F13B: variants seen among roughly 807,000 people sequenced by gnomAD.
The protein encoded by F13B is coagulation factor XIII B chain, also known as TGase.
Under a neutral mutation model 79.8 loss-of-function variants are expected in F13B, and 58 were observed. That is an observed-to-expected ratio of 0.73 (90% CI 0.59 to 0.90). F13B has a LOEUF of 0.90. Ranked by LOEUF, F13B falls within the 40% of genes least tolerant of loss-of-function variation. The pLI is 0.00. For missense variants in F13B, 773 were observed against 777.0 expected (o/e 0.99, Z 0.06); for synonymous variants, 283 against 260.3 (o/e 1.09, Z -0.84).
chr1:197,066,859 G>C (rs994644108), intron 1 of F13B, among the ~76,000 whole-genome samples: 2 of 152,040 alleles, frequency 1.3e-5, no homozygotes, highest in Non-Finnish European at 2.9e-5. Context: ...ATGTGACTTC[G>C]AAATGGACAT....
chr1:197,059,647 A>T (rs928452429), intron 5 of F13B, among the ~76,000 whole-genome samples: 1 of 152,214 alleles, frequency 6.6e-6, no homozygotes, highest in African/African-American at 2.4e-5. Flanking sequence ...TACCAATCAG[A>T]ATCTCTAATG....
chr1:197,041,868 T>C (rs1381105278), intron 10 of F13B, among the ~76,000 whole-genome samples: 7 of 152,184 alleles, frequency 4.6e-5, no homozygotes, highest in Admixed American at 2.0e-4. Context: ...AGAAGACTCA[T>C]TGTTACCATG....
intron 10 of F13B, among the ~76,000 whole-genome samples, chr1:197,041,104 C>T (rs1655022089): frequency 6.6e-6 from 1 of 152,046 alleles, no homozygotes; most frequent in African/African-American, 2.4e-5. Flanking sequence ...GCTCTTTTCC[C>T]TTTTCCTTCT....
chr1:197,044,912 GATAA>G (rs17514767), intron 10 of F13B, among the ~76,000 whole-genome samples: 2,299 of 152,152 alleles, frequency 0.015, 53 homozygotes, highest in African/African-American at 0.049. Context: ...ATGACTACTA[GATAA>G]ATAACGAAAT....
chr1:197,061,464 A>G (rs1655859745), intron 3 of F13B, among the ~76,000 whole-genome samples: 1 of 152,140 alleles, frequency 6.6e-6, no homozygotes, highest in Non-Finnish European at 1.5e-5. Context: ...AATATAAAAT[A>G]ATGTACATGA....
chr1:197,050,810 G>A lies in F13B; in HGVS notation c.1625C>T (p.Thr542Ile). The change falls in exon 10 of 12, where the codon ACC (threonine) becomes ATC (isoleucine). Residue 542 changes from threonine to isoleucine, a missense_variant. Thr to Ile is a moderately conservative substitution (Grantham distance 89). Coordinates refer to ENST00000367412, the MANE Select transcript of F13B (RefSeq NM_001994.3). ...TTCTACTGAAGAGCCATTTTCATAG[G>A]TGTCTACTGTTGAACTAATAATGAC... is the stretch of plus-strand genomic sequence containing the variant. Reference protein sequence around the residue: ...HGVIISSTVDTYENGSSVEYR... With the variant: ...HGVIISSTVDIYENGSSVEYR... The A allele has an allele frequency of 6.2e-7, 1 of 1,613,224 alleles. No individual in the cohort carries two copies. Among genetic ancestry groups the A allele is most frequent in the African/African-American group, 1.3e-5 (1 of 75,004 alleles).
At chr1:197,056,165 T>C (rs1341349251) in intron 7 of F13B, among the ~76,000 whole-genome samples, 2 of 152,186 alleles carry the variant, frequency 1.3e-5, no homozygotes, top group Admixed American at 1.3e-4. Flanking sequence ...TTCTTAAACC[T>C]ATAGAATGAG....
At chr1:197,045,718 A>G (rs1334231870) in intron 10 of F13B, among the ~76,000 whole-genome samples, 1 of 152,084 alleles carries the variant, frequency 6.6e-6, no homozygotes, top group Non-Finnish European at 1.5e-5. Context: ...AACAAAAAAC[A>G]GAATTTAGAC....
chr1:197,061,740 C>A, intron 3 of F13B, 44 bp downstream of exon 3: 1 of 1,514,376 alleles, frequency 6.6e-7, no homozygotes, highest in East Asian at 2.3e-5. Context: ...TCAATATAAG[C>A]TTGATAAGCA....
chr1:197,055,807 A>T lies in F13B; in HGVS notation c.1262T>A (p.Val421Glu), dbSNP rs1655620654. ...ILASYATGSS[V>E]EYRCNEYYLL... ...GTAATATTCATTGCATCTATATTCCACTGAGGATCCTGTTGCATAGCTTGC... is the reference window on the plus strand; with the variant it reads ...GTAATATTCATTGCATCTATATTCCTCTGAGGATCCTGTTGCATAGCTTGC... The change falls in exon 8 of 12, where the codon GTG (valine) becomes GAG (glutamate). Residue 421 changes from valine (V) to glutamate (E), a missense_variant. Physicochemically the swap from Val to Glu is moderately radical, Grantham distance 121. Coordinates refer to ENST00000367412, the MANE Select transcript of F13B (RefSeq NM_001994.3). 1 of 1,613,526 alleles carries T rather than the reference A, an allele frequency of 6.2e-7. No individual in the cohort carries two copies. The highest frequency in any genetic ancestry group is 8.5e-7 in the Non-Finnish European group (1 of 1,179,776).
intron 10 of F13B, 21 bp downstream of exon 10, chr1:197,050,676 G>A: frequency 6.2e-7 from 1 of 1,605,840 alleles, no homozygotes; most frequent in Non-Finnish European, 8.5e-7. Flanking sequence ...CTTTGTTAGA[G>A]GCATATTTAG....
At chr1:197,061,416 T>C (rs909958794) in intron 3 of F13B, among the ~76,000 whole-genome samples, 7 of 152,144 alleles carry the variant, frequency 4.6e-5, no homozygotes, top group African/African-American at 1.7e-4. Context: ...ATATTTAAAT[T>C]ATTGAACTAT....
chr1:197,055,842 G>A lies in F13B; in HGVS notation c.1227C>T (p.Asp409=), dbSNP rs143489717. 150 of 1,613,220 alleles carry A rather than the reference G, an allele frequency of 9.3e-5. No homozygotes were observed. The highest frequency in any genetic ancestry group is 7.7e-4 in the African/African-American group (58 of 74,890). ...PPVVMNGAVA[D]GILASYATGS... ...CTGTTGCATAGCTTGCCAATATCCCGTCTGCAACAGCCCCATTCATTACAA... is the reference window on the plus strand; with the variant it reads ...CTGTTGCATAGCTTGCCAATATCCCATCTGCAACAGCCCCATTCATTACAA... Residue 409 remains aspartate, a synonymous_variant, in exon 8 of 12, where the codon GAC becomes GAT. Coordinates refer to ENST00000367412, the MANE Select transcript of F13B (RefSeq NM_001994.3).
At chr1:197,050,950 G>T in intron 9 of F13B, 71 bp from the exon 10 acceptor site, 1 of 1,311,072 alleles carries the variant, frequency 7.6e-7, no homozygotes, top group Non-Finnish European at 1.1e-6. Context: ...AAGTGCTACA[G>T]AGACAGAGTC....
At chr1:197,058,118 G>C (rs1404478105) in intron 5 of F13B, among the ~76,000 whole-genome samples, 1 of 152,140 alleles carries the variant, frequency 6.6e-6, no homozygotes, top group African/African-American at 2.4e-5. Context: ...ACATTGTTAC[G>C]CACCAATAGA....
At chr1:197,049,678 C>T (rs766900191) in intron 10 of F13B, among the ~76,000 whole-genome samples, 15 of 152,042 alleles carry the variant, frequency 9.9e-5, no homozygotes, top group South Asian at 2.1e-4. Flanking sequence ...CCAGAAAAGA[C>T]GGAACACTTC....
chr1:197,057,472 G>A lies in F13B; in HGVS notation c.806-7C>T. ...GGACATCTGTTTCTTCTTCCTTATGGAAAAAATTAATCAGCACCTTTAGTC... is the reference window on the plus strand; with the variant it reads ...GGACATCTGTTTCTTCTTCCTTATGAAAAAAATTAATCAGCACCTTTAGTC... On this transcript the variant is annotated splice_polypyrimidine_tract_variant and splice_region_variant and intron_variant, in intron 5 of 11. Transcript: ENST00000367412. The A allele has an allele frequency of 6.2e-7, 1 of 1,613,248 alleles. No homozygotes were observed. Among genetic ancestry groups the A allele is most frequent in the Non-Finnish European group, 8.5e-7 (1 of 1,179,614 alleles).
chr1:197,056,038 T>C, intron 7 of F13B, 141 bp from the exon 8 acceptor site: 1 of 832,592 alleles, frequency 1.2e-6, no homozygotes, highest in Non-Finnish European at 1.8e-6. Flanking sequence ...AAAAATTTTT[T>C]CAGCTCAAAT....
chr1:197,040,810 T>C, intron 10 of F13B, 75 bp from the exon 11 acceptor site: 1 of 1,251,836 alleles, frequency 8.0e-7, no homozygotes, highest in Non-Finnish European at 1.1e-6. Flanking sequence ...AGAACAGGAA[T>C]CGTTGTGTTG....
Sources: gnomAD v4.1 joint callset for allele counts (sites outside exome capture counted in the v4.1 genomes callset) on GRCh38, gnomAD v4.1.1 for gene constraint, MANE v1.5 for transcripts, NCBI Gene and HGNC (gene_info 2026-07-23, HGNC 2026-07-21) for gene names.